WARS2: variants seen among roughly 807,000 people sequenced by gnomAD.
WARS2 encodes the protein tryptophanyl tRNA synthetase 2, mitochondrial.
WARS2 carries 28 observed loss-of-function variants against 36.5 expected under a neutral mutation model. That is an observed-to-expected ratio of 0.77 (90% CI 0.57 to 1.05). The LOEUF (loss-of-function observed/expected upper bound fraction) is 1.05. Among genes scored for constraint, WARS2 ranks in the 50% least tolerant of loss-of-function variants. The pLI is 0.00. For synonymous variants in WARS2, 174 were observed against 178.4 expected (o/e 0.98, Z 0.20); for missense variants, 435 against 456.8 (o/e 0.95, Z 0.44).
Position 119,119,079 on chromosome 1 carries a change from T to C in WARS2, c.90+21476A>G, listed in dbSNP as rs587619165. On this transcript the variant is annotated intron_variant, in intron 1 of 5. Transcript: ENST00000235521. ...AATAAAACAGTACCTCACATCTCAA[T>C]ACTAATGTTGAATGTAAATGGCCTA... 2.6e-5 allele frequency among the ~76,000 whole-genome samples: 4 copies of C among 152,196 alleles called. No individual in the cohort carries two copies. In the South Asian group the frequency reaches 8.3e-4, roughly 32 times the overall value.
chr1:119,099,164 C>T (rs1653681137), intron 1 of WARS2, among the ~76,000 whole-genome samples: 1 of 152,066 alleles, frequency 6.6e-6, no homozygotes, highest in Admixed American at 6.6e-5. Flanking sequence ...ACTTATAATA[C>T]AGTGTCATTT....
intron 1 of WARS2, among the ~76,000 whole-genome samples, chr1:119,102,091 G>A (rs1486532936): frequency 3.3e-5 from 5 of 151,902 alleles, no homozygotes; most frequent in East Asian, 1.9e-4. Context: ...GCAATAATTC[G>A]ATTTAGTTAA....
chr1:119,084,010 T>G (rs1652412588), intron 1 of WARS2, among the ~76,000 whole-genome samples: 1 of 151,994 alleles, frequency 6.6e-6, no homozygotes. Context: ...AAAATTTAGT[T>G]TTTCCTCATA....
rs182073935 is a variant in WARS2, at chr1:119,098,362, C to T, written c.91-21755G>A. On this transcript the variant is annotated intron_variant, in intron 1 of 5. Transcript: ENST00000235521. ...CTCTTTATAAAGTTCCTCAACTCTC[C>T]TTAGAGTGCAAGTAATCTCACTTTA... Among the ~76,000 whole-genome samples the T allele has an allele frequency of 1.7e-4, 26 of 152,300 alleles. No individual in the cohort carries two copies. The East Asian group carries it at 3.9e-3, about 23-fold the overall frequency.
At chr1:119,120,331 CAAACTTCCTAGATT>C (rs934028632) in intron 1 of WARS2, among the ~76,000 whole-genome samples, 13 of 151,736 alleles carry the variant, frequency 8.6e-5, no homozygotes, top group Admixed American at 8.5e-4. Flanking sequence ...TGGAAATATA[CAAACTTCCTAGATT>C]AAACCAGGAA....
chr1:119,085,448 C>A, intron 1 of WARS2: 1 of 1,519,180 alleles, frequency 6.6e-7, no homozygotes, highest in East Asian at 2.3e-5. Context: ...AGTCAGTTGT[C>A]TCTTTTTCTT....
At chr1:119,073,375 C>T (rs1306481572) in intron 2 of WARS2, among the ~76,000 whole-genome samples, 1 of 151,954 alleles carries the variant, frequency 6.6e-6, no homozygotes, top group Non-Finnish European at 1.5e-5. Flanking sequence ...GTTGCCTGAG[C>T]CAAAGGACGA....
At position 119,140,563 on chromosome 1, in the gene WARS2, C is replaced by A. The variant is rs1470538273; in HGVS notation, c.82G>T (p.Ala28Ser). 2 of 1,613,064 alleles carry A rather than the reference C, an allele frequency of 1.2e-6. No individual in the cohort carries two copies. The highest frequency in any genetic ancestry group is 1.7e-6 in the Non-Finnish European group (2 of 1,179,256). ...GGGCCGTCTTTGGTTACCTGGAGAGCGGGAGCAGCTGCGGATCCCTTATGA... is the reference window on the plus strand; with the variant it reads ...GGGCCGTCTTTGGTTACCTGGAGAGAGGGAGCAGCTGCGGATCCCTTATGA... Reference protein sequence around the residue: ...ALHKGSAAAPALQKDSKKRVF... With the variant: ...ALHKGSAAAPSLQKDSKKRVF... The change falls in exon 1 of 6, where the codon GCT becomes TCT. Residue 28 changes from alanine (A) to serine (S), a missense_variant. Transcript: ENST00000235521.
intron 1 of WARS2, among the ~76,000 whole-genome samples, chr1:119,106,901 T>C (rs1438953462): frequency 6.6e-6 from 1 of 152,188 alleles, no homozygotes; most frequent in Non-Finnish European, 1.5e-5. Flanking sequence ...TTCCAAGGTG[T>C]CTGTACTATT....
At chr1:119,039,200 T>C (rs1055982438) in intron 4 of WARS2, among the ~76,000 whole-genome samples, 4 of 152,230 alleles carry the variant, frequency 2.6e-5, no homozygotes, top group African/African-American at 9.6e-5. Context: ...AGTTAGTAGA[T>C]GCCTGGCAAA....
At chr1:119,064,754 C>T (rs1425067988) in intron 2 of WARS2, 2 of 152,984 alleles carry the variant, frequency 1.3e-5, no homozygotes, top group Non-Finnish European at 2.9e-5. Context: ...CCATGTAAAA[C>T]TCTAAGTCCA....
chr1:119,054,445 C>T (rs533829232), intron 2 of WARS2, among the ~76,000 whole-genome samples: 1 of 152,162 alleles, frequency 6.6e-6, no homozygotes, highest in Non-Finnish European at 1.5e-5. Flanking sequence ...CTCTTGTATA[C>T]TGTTGATAGG....
chr1:119,076,284 T>C (rs1309454008), intron 2 of WARS2, 66 bp downstream of exon 2: 9 of 1,578,172 alleles, frequency 5.7e-6, no homozygotes, highest in Admixed American at 1.8e-5. Flanking sequence ...GTATGAACCA[T>C]TCAACATTTT....
At chr1:119,137,456 A>G (rs752088293) in intron 1 of WARS2, among the ~76,000 whole-genome samples, 1 of 152,212 alleles carries the variant, frequency 6.6e-6, no homozygotes, top group Non-Finnish European at 1.5e-5. Context: ...TAATAATGAA[A>G]CATGTTCAAC....
At chr1:119,121,152 T>C (rs587675326) in intron 1 of WARS2, among the ~76,000 whole-genome samples, 1 of 152,068 alleles carries the variant, frequency 6.6e-6, no homozygotes, top group South Asian at 2.1e-4. Context: ...AACCCAAAGA[T>C]TCATCCAAAA....
intron 2 of WARS2, among the ~76,000 whole-genome samples, chr1:119,057,064 AGTGG>A (rs1357719068): frequency 6.6e-6 from 1 of 152,178 alleles, no homozygotes; most frequent in Non-Finnish European, 1.5e-5. Context: ...TGGTCATCCA[AGTGG>A]GTGAACTGGT....
intron 1 of WARS2, among the ~76,000 whole-genome samples, chr1:119,125,220 C>G (rs373604425): frequency 5.3e-5 from 8 of 152,276 alleles, no homozygotes; most frequent in African/African-American, 1.9e-4. Flanking sequence ...TCCTGGCATC[C>G]TCTTCCCTCA....
At chr1:119,103,397 T>A (rs1207577469) in intron 1 of WARS2, among the ~76,000 whole-genome samples, 2 of 152,120 alleles carry the variant, frequency 1.3e-5, no homozygotes, top group Non-Finnish European at 2.9e-5. Flanking sequence ...TGGATTTGGG[T>A]CAAGAGCTTT....
intron 4 of WARS2, among the ~76,000 whole-genome samples, chr1:119,041,386 G>A (rs1290542721): frequency 6.6e-6 from 1 of 152,094 alleles, no homozygotes; most frequent in Non-Finnish European, 1.5e-5. Context: ...AGAAGCCCTG[G>A]CCAGTAGTAC....
Sources: allele counts gnomAD v4.1 joint callset (sites outside exome capture counted in the v4.1 genomes callset), GRCh38; gene constraint gnomAD v4.1.1; transcripts MANE v1.5; gene names NCBI Gene and HGNC (gene_info 2026-07-23, HGNC 2026-07-21).